Variants in CFAP299 observed in about 807,000 individuals in gnomAD.
CFAP299 encodes cilia- and flagella-associated protein 299.
In CFAP299, 21 loss-of-function variants were observed where a neutral mutation model predicts 27.0. The ratio of observed to expected loss-of-function variants is 0.78; its 90% CI spans 0.55 to 1.12. CFAP299 has a LOEUF of 1.12. Among genes scored for constraint, CFAP299 ranks in the 50% most tolerant of loss-of-function variants. CFAP299 has a pLI of 0.00. For synonymous variants in CFAP299, 104 were observed against 98.1 expected (o/e 1.06, Z -0.36); for missense variants, 310 against 276.6 (o/e 1.12, Z -0.86).
rs970111321 is a variant in CFAP299 at position 80,387,520 on chromosome 4, G to T, written c.242+24636G>T. On this transcript the variant is annotated intron_variant, in intron 2 of 5. Coordinates refer to ENST00000358105, the MANE Select transcript of CFAP299 (RefSeq NM_152770.3). ...CCAGGCCTGGAGCTGTGGCGAGCTT[G>T]GTAGGGGCTGGCCCAACCCTGTGTT... The T allele has an allele frequency of 1.2e-5, 10 of 843,248 alleles. 1 individual carries two copies. The Admixed American group carries it at 1.7e-4, about 14-fold the overall frequency. 52.2% of individuals were successfully genotyped at this position (843,248 alleles called of 1,614,324 possible).
At chr4:80,560,830 C>T (rs1381579206) in intron 2 of CFAP299, among the ~76,000 whole-genome samples, 1 of 152,108 alleles carries the variant, frequency 6.6e-6, no homozygotes, top group Admixed American at 6.5e-5. Flanking sequence ...TAGGCTTTTT[C>T]ACTCTAGCCC....
At chr4:80,456,456 T>C (rs1471887354) in intron 2 of CFAP299, among the ~76,000 whole-genome samples, 2 of 152,026 alleles carry the variant, frequency 1.3e-5, no homozygotes, top group African/African-American at 4.8e-5. Context: ...ACTAGGATGA[T>C]AACAGTGGTG....
At chr4:80,450,738 TA>T (rs1728860845) in intron 2 of CFAP299, among the ~76,000 whole-genome samples, 1 of 152,082 alleles carries the variant, frequency 6.6e-6, no homozygotes, top group African/African-American at 2.4e-5. Context: ...AAAGAGATTT[TA>T]AAAACTGATG....
rs374868221 is a variant in CFAP299, at chr4:80,946,363, T to C, written c.606+1424T>C. Among the ~76,000 whole-genome samples, 618 of 152,202 alleles carry C rather than the reference T, an allele frequency of 4.1e-3. 1 individual carries two copies. The highest frequency in any genetic ancestry group is 0.014 in the Middle Eastern group (4 of 294). On this transcript the variant is annotated intron_variant, in intron 5 of 5. Transcript: ENST00000358105. ...GGCCAAAATAGGTCTCCAGCCAAAA[T>C]AACCACATTCAAAACATAATGCCTG...
intron 2 of CFAP299, among the ~76,000 whole-genome samples, chr4:80,376,949 G>T (rs1724445027): frequency 6.6e-6 from 1 of 152,012 alleles, no homozygotes; most frequent in Non-Finnish European, 1.5e-5. Flanking sequence ...TATTTTCCAT[G>T]CATATCTCTT....
intron 3 of CFAP299, among the ~76,000 whole-genome samples, chr4:80,716,555 A>G (rs1560714462): frequency 6.6e-6 from 1 of 152,012 alleles, no homozygotes; most frequent in Non-Finnish European, 1.5e-5. Context: ...CTTACATTAC[A>G]TTTGTATGCA....
At chr4:80,521,234 C>T (rs903770442) in intron 2 of CFAP299, among the ~76,000 whole-genome samples, 3 of 152,086 alleles carry the variant, frequency 2.0e-5, no homozygotes, top group African/African-American at 7.2e-5. Flanking sequence ...TAAGACATTT[C>T]CCCAAATGAG....
At chr4:80,533,900 T>C (rs1733595924) in intron 2 of CFAP299, among the ~76,000 whole-genome samples, 1 of 152,142 alleles carries the variant, frequency 6.6e-6, no homozygotes, top group African/African-American at 2.4e-5. Flanking sequence ...GGATCTCTTA[T>C]GTAAGAAATA....
At chr4:80,771,205 T>C (rs1226832817) in intron 3 of CFAP299, among the ~76,000 whole-genome samples, 1 of 152,162 alleles carries the variant, frequency 6.6e-6, no homozygotes, top group Non-Finnish European at 1.5e-5. Context: ...AATACTACTC[T>C]ATACCCCCAC....
the CFAP299 span, among the ~76,000 whole-genome samples, chr4:80,323,554 T>C: frequency 1.3e-5 from 2 of 152,202 alleles, no homozygotes; most frequent in Admixed American, 6.5e-5. Context: ...TTTCTGTTAG[T>C]ATCCAAAGAC....
intron 3 of CFAP299, among the ~76,000 whole-genome samples, chr4:80,838,556 A>G (rs1041304945): frequency 2.0e-5 from 3 of 152,094 alleles, no homozygotes; most frequent in African/African-American, 7.2e-5. Flanking sequence ...CAGGTTTGTC[A>G]AAGATTAGAT....
chr4:80,455,916 T>A (rs965825479), intron 2 of CFAP299, among the ~76,000 whole-genome samples: 2 of 152,118 alleles, frequency 1.3e-5, no homozygotes, highest in African/African-American at 4.8e-5. Context: ...CCACAGAGCT[T>A]ATGTTTTAGT....
At chr4:80,329,208 C>CATATATATATATATATAT in the CFAP299 span, among the ~76,000 whole-genome samples, 227 of 135,998 alleles carry the variant, frequency 1.7e-3, 2 homozygotes, top group African/African-American at 5.9e-3. Context: ...ACACTGTATA[C>CATATATATATATATATAT]ATATATATAT....
chr4:80,759,542 T>G (rs1026949955), intron 3 of CFAP299, among the ~76,000 whole-genome samples: 2 of 152,228 alleles, frequency 1.3e-5, no homozygotes, highest in African/African-American at 2.4e-5. Context: ...TGTATTTTTC[T>G]CCTTCTAATT....
At chr4:80,407,119 T>C (rs542243716) in intron 2 of CFAP299, among the ~76,000 whole-genome samples, 55 of 151,314 alleles carry the variant, frequency 3.6e-4, no homozygotes, top group African/African-American at 1.3e-3. Context: ...TAAAACAAAA[T>C]AAATAAACAT....
intron 3 of CFAP299, among the ~76,000 whole-genome samples, chr4:80,688,254 AAGAC>A (rs1373671756): frequency 1.3e-5 from 2 of 152,186 alleles, no homozygotes; most frequent in Non-Finnish European, 2.9e-5. Context: ...GACAAACAAA[AAGAC>A]AGCAGTAACC....
chr4:80,547,515 A>T (rs1578581330), intron 2 of CFAP299, among the ~76,000 whole-genome samples: 1 of 152,286 alleles, frequency 6.6e-6, no homozygotes, highest in East Asian at 1.9e-4. Context: ...TAAAAACAAA[A>T]ATTGACAAGT....
At chr4:80,518,926 A>G (rs758882112) in intron 2 of CFAP299, among the ~76,000 whole-genome samples, 6 of 152,328 alleles carry the variant, frequency 3.9e-5, no homozygotes, top group Middle Eastern at 3.4e-3. Flanking sequence ...AAGACATACA[A>G]ATACAAAAGT....
At chr4:80,589,606 TA>T (rs1217610502) in intron 3 of CFAP299, among the ~76,000 whole-genome samples, 2 of 151,988 alleles carry the variant, frequency 1.3e-5, no homozygotes, top group Admixed American at 1.3e-4. Context: ...TTTTACTAGT[TA>T]AAAAAAATCC....
Sources: allele counts gnomAD v4.1 joint callset (sites outside exome capture counted in the v4.1 genomes callset), GRCh38; gene constraint gnomAD v4.1.1; transcripts MANE v1.5; gene names NCBI Gene and HGNC (gene_info 2026-07-23, HGNC 2026-07-21).